SETX: variants seen among roughly 807,000 people sequenced by gnomAD.
SETX encodes senataxin, also known as helicase senataxin.
SETX carries 90 observed loss-of-function variants against 227.2 expected under a neutral mutation model. The observed-to-expected ratio is 0.40, with a 90% CI of 0.33 to 0.47. SETX has a LOEUF of 0.47. Ranked by LOEUF, SETX falls within the 20% of genes least tolerant of loss-of-function variation. The pLI, the probability that SETX is intolerant of heterozygous loss-of-function variation, is 0.91. For missense variants in SETX, 3,052 were observed against 3,181.5 expected (o/e 0.96, Z 0.98); for synonymous variants, 1,210 against 1,113.2 (o/e 1.09, Z -1.73).
In SETX at chr9:132,276,045, A is replaced by G. The variant is rs1843142147; in HGVS notation, c.6936-625T>C. Reference sequence around the variant, plus strand: ...TGCACTCTCAACCCCTCCTGAAAACACATGCTCCCTCATGACCATACCGGA... The same window carrying G: ...TGCACTCTCAACCCCTCCTGAAAACGCATGCTCCCTCATGACCATACCGGA... On this transcript the variant is annotated intron_variant, in intron 22 of 25. Coordinates refer to ENST00000224140, the MANE Select transcript of SETX (RefSeq NM_015046.7). Among the ~76,000 whole-genome samples, 2 of 152,056 alleles carry G rather than the reference A, an allele frequency of 1.3e-5. 1 individual carries two copies. Among genetic ancestry groups the G allele is most frequent in the South Asian group, 4.1e-4 (2 of 4,820 alleles).
At chr9:132,296,350 C>G (rs1422972287) in intron 14 of SETX, among the ~76,000 whole-genome samples, 5 of 152,078 alleles carry the variant, frequency 3.3e-5, no homozygotes, top group Non-Finnish European at 7.4e-5. Context: ...GTCAGGAGCT[C>G]GAGACCAGCC....
At chr9:132,274,440 CTT>C (rs1346968200) in intron 23 of SETX, among the ~76,000 whole-genome samples, 14 of 132,464 alleles carry the variant, frequency 1.1e-4, no homozygotes, top group Non-Finnish European at 9.8e-5. Context: ...CTGATTTTTT[CTT>C]TTTTTTTTTT....
intron 10 of SETX, among the ~76,000 whole-genome samples, chr9:132,320,320 A>C (rs1281615270): frequency 6.6e-6 from 1 of 152,202 alleles, no homozygotes; most frequent in East Asian, 1.9e-4. Context: ...TCACGCCTGT[A>C]ATCCCAGCAC....
chr9:132,313,187 A>C (rs2131362079), intron 10 of SETX, among the ~76,000 whole-genome samples: 1 of 152,308 alleles, frequency 6.6e-6, no homozygotes, highest in Non-Finnish European at 1.5e-5. Context: ...AATTTACTTA[A>C]AAAAACCATT....
intron 10 of SETX, 80 bp downstream of exon 10, chr9:132,326,244 T>C (rs1846743958): frequency 8.8e-7 from 1 of 1,134,094 alleles, no homozygotes; most frequent in Non-Finnish European, 1.3e-6. Flanking sequence ...TTTTTTGAAC[T>C]ATACTCTCAT....
chr9:132,288,381 T>C (rs745579654), intron 16 of SETX, 30 bp from the exon 17 acceptor site: 1 of 1,538,502 alleles, frequency 6.5e-7, no homozygotes, highest in South Asian at 1.1e-5. Flanking sequence ...AAAAATTATA[T>C]GCTATTCTAA....
chr9:132,315,060 G>A (rs928064080), intron 10 of SETX, among the ~76,000 whole-genome samples: 9 of 151,460 alleles, frequency 5.9e-5, no homozygotes, highest in South Asian at 2.1e-4. Flanking sequence ...TTACAGGCAC[G>A]TGCCACCACG....
chr9:132,293,644 T>A (rs1183440428), intron 15 of SETX, among the ~76,000 whole-genome samples: 2 of 152,048 alleles, frequency 1.3e-5, no homozygotes, highest in East Asian at 3.9e-4. Context: ...GGTCTCAAAC[T>A]CCTGACCTCA....
rs1844468382 is a variant in SETX at position 132,293,531 on chromosome 9, C to CAGA, written c.6106+2340_6106+2341insTCT. On this transcript the variant is annotated intron_variant, in intron 15 of 25. Transcript: ENST00000224140. ...CCACTTCCCGGGTTCAAGTGATTCT[C>CAGA]CCGCCTCAGCCTCCCGAGAAGCTGA... Among the ~76,000 whole-genome samples the CAGA allele has an allele frequency of 4.6e-5, 7 of 152,236 alleles. No homozygotes were observed. The South Asian group carries it at 1.5e-3, about 32-fold the overall frequency.
intron 3 of SETX, among the ~76,000 whole-genome samples, chr9:132,347,997 G>A (rs538156036): frequency 6.6e-6 from 1 of 151,338 alleles, no homozygotes; most frequent in African/African-American, 2.4e-5. Flanking sequence ...AAATATGCTT[G>A]CCCTTAAAGG....
At position 132,328,613 on chromosome 9, in the gene SETX, T is replaced by G. The variant is rs1285317289; in HGVS notation, c.2985A>C (p.Lys995Asn). The change falls in exon 10 of 26, where the codon AAA becomes AAC. Residue 995 changes from lysine (K) to asparagine (N), a missense_variant. Lys to Asn is a moderately conservative substitution (Grantham distance 94). Transcript: ENST00000224140. ...TATTTTGGTTAGCTGTGAAACATCT[T>G]TTATCTTCTTTTACTTTCCTTTGCA... is the stretch of plus-strand genomic sequence containing the variant. ...SQLQRKVKED[K>N]RCFTANQNNV... is the part of the protein sequence containing the mutation. The G allele has an allele frequency of 2.5e-6, 4 of 1,613,610 alleles. No individual in the cohort carries two copies. The Admixed American group carries it at 6.7e-5, about 27-fold the overall frequency.
chr9:132,335,233 AC>A (rs1314382938), intron 6 of SETX, among the ~76,000 whole-genome samples: 1 of 151,566 alleles, frequency 6.6e-6, no homozygotes, highest in Non-Finnish European at 1.5e-5. Flanking sequence ...TACTAAAAAT[AC>A]AAAAAAATTA....
At chr9:132,286,515 C>T (rs1843908195) in intron 17 of SETX, 21 bp from the exon 18 acceptor site, 1 of 1,576,880 alleles carries the variant, frequency 6.3e-7, no homozygotes, top group Admixed American at 1.7e-5. Flanking sequence ...ATTCAAATGT[C>T]ACAATTAAAA....
chr9:132,349,176 C>G, intron 3 of SETX, 76 bp downstream of exon 3: 1 of 1,355,426 alleles, frequency 7.4e-7, no homozygotes, highest in Non-Finnish European at 1.1e-6. Context: ...TCTCTGAATA[C>G]TTCCAACGGA....
In SETX at chr9:132,286,412, G is replaced by T; in HGVS notation, c.6396+11C>A. On this transcript the variant is annotated intron_variant, in intron 18 of 25. Transcript: ENST00000224140. ...AAAAAATCAAGAAAATGCTACAGGTGAACTACTTACCTCTTTAATTTTAGA... is the reference window on the plus strand; with the variant it reads ...AAAAAATCAAGAAAATGCTACAGGTTAACTACTTACCTCTTTAATTTTAGA... The T allele has an allele frequency of 1.3e-6, 2 of 1,582,860 alleles. No individual in the cohort carries two copies. The highest frequency in any genetic ancestry group is 1.7e-6 in the Non-Finnish European group (2 of 1,158,130).
At chr9:132,318,696 T>C (rs1419800182) in intron 10 of SETX, among the ~76,000 whole-genome samples, 1 of 152,152 alleles carries the variant, frequency 6.6e-6, no homozygotes, top group Non-Finnish European at 1.5e-5. Flanking sequence ...ATATCCACTG[T>C]TAGTTATTCC....
chr9:132,321,558 G>A (rs755032491), intron 10 of SETX, among the ~76,000 whole-genome samples: 62 of 150,412 alleles, frequency 4.1e-4, no homozygotes, highest in Middle Eastern at 3.4e-3. Flanking sequence ...TTGGGAGGCT[G>A]AGGCAGGAGA....
At chr9:132,354,761 A>G (rs1385749493) in intron 1 of SETX, among the ~76,000 whole-genome samples, 156 bp downstream of exon 1, 1 of 151,220 alleles carries the variant, frequency 6.6e-6, no homozygotes, top group East Asian at 2.0e-4. Context: ...CCGCCCCCGC[A>G]CCGAGGGAAG....
Position 132,329,584 on chromosome 9 carries a change from T to A in SETX, c.2014A>T (p.Asn672Tyr), listed in dbSNP as rs752864425. 2.5e-6 allele frequency: 4 copies of A among 1,613,726 alleles called. No homozygotes were observed. In the South Asian group the frequency reaches 4.4e-5, roughly 18 times the overall value. Residue 672 changes from asparagine to tyrosine, a missense_variant, in exon 10 of 26, where the codon AAT (asparagine) becomes TAT (tyrosine). Physicochemically the swap from Asn to Tyr is moderately radical, Grantham distance 143. This residue lies in a region of SETX where 1,483 missense variants were observed against 1,312.0 expected (regional missense o/e 1.13). Coordinates refer to ENST00000224140, the MANE Select transcript of SETX (RefSeq NM_015046.7). ...TCTAGTTTCACATCCTTTATATAATTTTGCTCATTATTGTCACCTTCTATA... is the reference window on the plus strand; with the variant it reads ...TCTAGTTTCACATCCTTTATATAATATTGCTCATTATTGTCACCTTCTATA... The part of the protein sequence containing the change: ...NTIEGDNNEQ[N>Y]YIKDVKLEDH...
Sources: gnomAD v4.1 joint callset for allele counts (sites outside exome capture counted in the v4.1 genomes callset) on GRCh38, gnomAD v4.1.1 for gene constraint, gnomAD v4.1.1 regional missense constraint, MANE v1.5 for transcripts, NCBI Gene and HGNC (gene_info 2026-07-23, HGNC 2026-07-21) for gene names.